The following KLK5 variants were observed in gnomAD, a reference collection of about 807,000 sequenced individuals.
KLK5 encodes kallikrein related peptidase 5, also known as kallikrein-5.
A neutral mutation model predicts 24.0 loss-of-function variants in KLK5; 18 were observed. The observed-to-expected ratio is 0.75, with a 90% CI of 0.52 to 1.11. The LOEUF is 1.11. KLK5 is among the 50% of genes most tolerant of loss of function. The pLI is 0.00. For synonymous variants in KLK5, 140 were observed against 154.0 expected, an observed-to-expected ratio of 0.91 and a Z score of 0.67; for missense variants, 374 against 379.2, an observed-to-expected ratio of 0.99 and a Z score of 0.11.
chr19:50,944,353 C>G (rs924968598), intron 5 of KLK5, among the ~76,000 whole-genome samples: 1 of 152,136 alleles, frequency 6.6e-6, no homozygotes, highest in Non-Finnish European at 1.5e-5. Flanking sequence ...ACTCCATCTT[C>G]CTCTTCCAGA....
At chr19:50,946,726 A>C (rs1342938020) in intron 5 of KLK5, among the ~76,000 whole-genome samples, 2 of 151,766 alleles carry the variant, frequency 1.3e-5, no homozygotes, top group East Asian at 3.9e-4. Context: ...CGCCCGGCTA[A>C]TTTTTTGTGT....
In KLK5 at chr19:50,952,624, G is replaced by A. The variant is rs779078375; in HGVS notation, c.34C>T (p.Leu12Phe). 2.7e-5 allele frequency: 44 copies of A among 1,605,808 alleles called. 2 individuals are homozygous for A. In the South Asian group the frequency reaches 4.7e-4, roughly 17 times the overall value. The change falls in exon 2 of 6, where the codon CTC becomes TTC. Residue 12 changes from leucine (L) to phenylalanine (F), a missense_variant. Coordinates refer to ENST00000336334, the MANE Select transcript of KLK5 (RefSeq NM_012427.5). ...ATARPPWMWV[L>F]CALITALLLG... ...AGCAAGGCTGTGATCAGAGCACAGAGCACCCACATCCAGGGGGGTCTTGCT... is the reference window on the plus strand; with the variant it reads ...AGCAAGGCTGTGATCAGAGCACAGAACACCCACATCCAGGGGGGTCTTGCT...
Position 50,949,945 on chromosome 19 carries a change from G to C in KLK5, c.245C>G (p.Ala82Gly). The C allele has an allele frequency of 6.2e-7, 1 of 1,613,686 alleles. No homozygotes were observed. ...CTGGTTGGGCCTTAGCAACAGCGCG[G>C]CCTGCCACGGCTGGGTGTGCATATC... ...DCDMHTQPWQ[A>G]ALLLRPNQLY... is the part of the protein sequence containing the mutation. Residue 82 changes from alanine (A) to glycine (G), a missense_variant, in exon 3 of 6, where the codon GCC becomes GGC. Ala to Gly is a moderately conservative substitution (Grantham distance 60, BLOSUM62 0). Coordinates refer to ENST00000336334, the MANE Select transcript of KLK5 (RefSeq NM_012427.5).
At chr19:50,951,248 C>T (rs1417733668) in intron 2 of KLK5, among the ~76,000 whole-genome samples, 1 of 152,058 alleles carries the variant, frequency 6.6e-6, no homozygotes, top group Admixed American at 6.6e-5. Context: ...CTCCCGTGCC[C>T]ATTCACTGGT....
At position 50,949,040 on chromosome 19, in the gene KLK5, G is replaced by C. The variant is rs111743221; in HGVS notation, c.411C>G (p.Val137=). 1 of 1,613,722 alleles carries C rather than the reference G, an allele frequency of 6.2e-7. No individual in the cohort carries two copies. The highest frequency in any genetic ancestry group is 1.7e-5 in the Admixed American group (1 of 60,008). ...YESGQQMFQG[V]KSIPHPGYSH... is the part of the protein sequence containing the mutation. ...AGTAGCCAGGGTGGGGGATGGATTTGACCCCCTGGAACATCTGCTGCCCAG... is the reference window on the plus strand; with the variant it reads ...AGTAGCCAGGGTGGGGGATGGATTTCACCCCCTGGAACATCTGCTGCCCAG... Residue 137 remains valine (V), a synonymous_variant, in exon 4 of 6, where the codon GTC becomes GTG. Transcript: ENST00000336334.
chr19:50,944,775 C>T (rs1000359265), intron 5 of KLK5, among the ~76,000 whole-genome samples: 1 of 152,158 alleles, frequency 6.6e-6, no homozygotes, highest in African/African-American at 2.4e-5. Context: ...CCAAAAATGT[C>T]TCCTGGTATT....
intron 2 of KLK5, 109 bp from the exon 3 acceptor site, chr19:50,950,225 G>T: frequency 1.9e-6 from 2 of 1,038,684 alleles, no homozygotes; most frequent in South Asian, 1.5e-5. Context: ...CTGACATGCT[G>T]AGGGGGCAGG....
rs1268159238 is a variant in KLK5, at chr19:50,948,854, C to T, written c.592+5G>A. On this transcript the variant is annotated splice_donor_5th_base_variant and intron_variant, in intron 4 of 5. Transcript: ENST00000336334. ...GTCGGTATCAAGAAGAACCTGGACA[C>T]TCACCTTGGGGGCTCTTGGTTGTCC... 6.2e-7 allele frequency: 1 copy of T among 1,614,102 alleles called. No homozygotes were observed. The highest frequency in any genetic ancestry group is 2.2e-5 in the East Asian group (1 of 44,884).
intron 3 of KLK5, 61 bp downstream of exon 3, chr19:50,949,781 CCCCACCCCCACTT>C: frequency 4.4e-6 from 1 of 229,266 alleles, no homozygotes; most frequent in Non-Finnish European, 7.3e-6. Context: ...TCCATGACAC[CCCCACCCCCACTT>C]CCCCACCCCC....
At chr19:50,950,169 G>A (rs2090675091) in intron 2 of KLK5, 53 bp from the exon 3 acceptor site, 2 of 1,575,080 alleles carry the variant, frequency 1.3e-6, no homozygotes, top group Non-Finnish European at 1.7e-6. Context: ...TTGGGCTGGG[G>A]GTGGGTTTCA....
At chr19:50,951,888 C>T (rs1465045371) in intron 2 of KLK5, among the ~76,000 whole-genome samples, 2 of 152,112 alleles carry the variant, frequency 1.3e-5, no homozygotes, top group African/African-American at 4.8e-5. Flanking sequence ...GCACCCATCT[C>T]CCAGAGATAG....
At chr19:50,950,329 T>C (rs1290811868) in intron 2 of KLK5, 1 of 593,606 alleles carries the variant, frequency 1.7e-6, no homozygotes, top group Admixed American at 3.0e-5. Context: ...GGACTCTAAC[T>C]GGACCTCACA....
Position 50,947,922 on chromosome 19 carries a change from C to T in KLK5, c.726+718G>A, listed in dbSNP as rs1251936685. Among the ~76,000 whole-genome samples, 1 of 152,132 alleles carries T rather than the reference C, an allele frequency of 6.6e-6. No individual in the cohort carries two copies. On this transcript the variant is annotated intron_variant, in intron 5 of 5. Transcript: ENST00000336334. The surrounding 1 kb of genome is among the most constrained non-coding windows in gnomAD (Gnocchi z 8.7). ...CTGCTAGCCACATGTGGCTACTGAG[C>T]ACCTGAAATGTAGCTAGTCCAAATT...
chr19:50,952,911 TC>T lies in KLK5; in HGVS notation c.-177del, dbSNP rs150617727. Reference sequence around the variant, plus strand: ...TGCAGGACGCACAGACACCTCTCCTTCCCTGCCTGCTGAGCCACCCTCACCA... The same window carrying T: ...TGCAGGACGCACAGACACCTCTCCTTCCTGCCTGCTGAGCCACCCTCACCA... On this transcript the variant is annotated 5_prime_UTR_variant, in exon 1 of 6. Transcript: ENST00000336334. 0.38 allele frequency: 131,850 copies of T among 351,308 alleles called. 27,505 individuals are homozygous for T. Among genetic ancestry groups the T allele is most frequent in the East Asian group, 0.78 (17,446 of 22,248 alleles). The allele number at this position is 351,308 out of a possible 1,614,324, so 21.8% of individuals were successfully genotyped here. A position where few individuals can be genotyped will look rare whatever the true frequency, so the allele number is the denominator to read the frequency against.
At chr19:50,950,410 G>GT (rs2090677012) in intron 2 of KLK5, 1 of 465,344 alleles carries the variant, frequency 2.1e-6, no homozygotes. Flanking sequence ...AAGCTCAGGG[G>GT]TAGTGCCAAA....
intron 5 of KLK5, 104 bp downstream of exon 5, chr19:50,948,536 C>T: frequency 8.7e-7 from 1 of 1,146,924 alleles, no homozygotes. Context: ...GAACAGGGGT[C>T]CTGACTGTCT....
In KLK5 at chr19:50,952,753, T is replaced by TC. The variant is rs929777891; in HGVS notation, c.-19dup. 7.2e-6 allele frequency: 6 copies of TC among 828,076 alleles called. No homozygotes were observed. Among genetic ancestry groups the TC allele is most frequent in the Admixed American group, 3.0e-5 (1 of 33,176 alleles). The allele number at this position is 828,076 out of a possible 1,614,324, so 51.3% of individuals were successfully genotyped here. A position where few individuals can be genotyped will look rare whatever the true frequency, so the allele number is the denominator to read the frequency against. On this transcript the variant is annotated 5_prime_UTR_variant, in exon 1 of 6. Transcript: ENST00000336334. ...CTTCCCCTCCCTCCCCTACCTTATT[T>TC]CCCCAGGTAGAGAGGAACCACAAGG...
intron 3 of KLK5, 45 bp downstream of exon 3, chr19:50,949,810 C>CCCAA: frequency 7.6e-7 from 1 of 1,323,914 alleles, no homozygotes; most frequent in Non-Finnish European, 1.0e-6. Flanking sequence ...CCCCCACCCC[C>CCCAA]ACTTCCCCGT....
At chr19:50,945,012 T>C (rs2090618632) in intron 5 of KLK5, among the ~76,000 whole-genome samples, 1 of 151,296 alleles carries the variant, frequency 6.6e-6, no homozygotes, top group Non-Finnish European at 1.5e-5. Context: ...CTTTCTTCCT[T>C]TCTTTCTCCT....
Sources: allele counts gnomAD v4.1 joint callset (sites outside exome capture counted in the v4.1 genomes callset), GRCh38; gene constraint gnomAD v4.1.1; non-coding constraint Gnocchi (gnomAD v3.1); transcripts MANE v1.5; gene names NCBI Gene and HGNC (gene_info 2026-07-23, HGNC 2026-07-21).